Variants in TMEM185A observed in about 807,000 individuals in gnomAD.
TMEM185A encodes transmembrane protein 185A.
A neutral mutation model predicts 25.0 loss-of-function variants in TMEM185A; 9 were observed. The observed-to-expected ratio is 0.36, with a 90% confidence interval of 0.22 to 0.63. The LOEUF (loss-of-function observed/expected upper bound fraction) is 0.63. Ranked by LOEUF, TMEM185A falls within the 20% of genes least tolerant of loss-of-function variation. TMEM185A has a pLI of 0.68. For missense variants in TMEM185A, 103 were observed against 237.4 expected (o/e 0.43, Z 3.72); for synonymous variants, 45 against 93.5 (o/e 0.48, Z 2.99).
At chrX:149,615,580 G>A (rs1446372112) in intron 1 of TMEM185A, among the ~76,000 whole-genome samples, 1 of 111,333 alleles carries the variant, frequency 9.0e-6, no homozygotes, top group Non-Finnish European at 1.9e-5. Context: ...AAAGCTAGTA[G>A]ATCTAGTAAG....
At chrX:149,627,187 T>G (rs1557356134) in intron 1 of TMEM185A, among the ~76,000 whole-genome samples, 1 of 112,637 alleles carries the variant, frequency 8.9e-6, no homozygotes, top group Non-Finnish European at 1.9e-5. Context: ...ACCCAGGCTT[T>G]CTTGGGCAGA....
intron 1 of TMEM185A, among the ~76,000 whole-genome samples, chrX:149,626,176 C>T (rs1557355996): frequency 8.9e-6 from 1 of 111,978 alleles, no homozygotes; most frequent in South Asian, 3.7e-4. Flanking sequence ...TTGGGCCTGG[C>T]ATGTGGTGGG....
intron 1 of TMEM185A, among the ~76,000 whole-genome samples, chrX:149,626,911 C>T (rs1409851908): frequency 8.9e-6 from 1 of 112,429 alleles, no homozygotes; most frequent in Non-Finnish European, 1.9e-5. Flanking sequence ...TGCCAGCATA[C>T]TTCGCCTCCA....
intron 3 of TMEM185A, among the ~76,000 whole-genome samples, chrX:149,607,470 T>C (rs2090058731): frequency 8.9e-6 from 1 of 112,784 alleles, no homozygotes; most frequent in South Asian, 3.6e-4. Flanking sequence ...AAATGACTTA[T>C]CTTCTCTGGA....
chrX:149,623,924 T>C (rs375450902), intron 1 of TMEM185A, among the ~76,000 whole-genome samples: 3 of 112,434 alleles, frequency 2.7e-5, no homozygotes, highest in East Asian at 2.8e-4. Context: ...GGTGACTGCA[T>C]AGCCAAAAGG....
At chrX:149,604,548 C>G (rs1243923025) in intron 3 of TMEM185A, among the ~76,000 whole-genome samples, 1 of 111,355 alleles carries the variant, frequency 9.0e-6, no homozygotes, top group Non-Finnish European at 1.9e-5. Flanking sequence ...ATCTTTAACC[C>G]CACCTATTCC....
At chrX:149,609,574 C>T (rs1432426388) in intron 2 of TMEM185A, among the ~76,000 whole-genome samples, 1 of 112,397 alleles carries the variant, frequency 8.9e-6, no homozygotes, top group African/African-American at 3.2e-5. Context: ...CAGGAAAAGG[C>T]TCTATAATGC....
At chrX:149,603,922 C>T (rs1569560930) in intron 4 of TMEM185A, 65 bp downstream of exon 4, 1 of 960,837 alleles carries the variant, frequency 1.0e-6, no homozygotes, top group Admixed American at 2.5e-5. Flanking sequence ...AAGCTTTGTA[C>T]AGTGAATATG....
intron 3 of TMEM185A, among the ~76,000 whole-genome samples, chrX:149,604,514 C>T (rs1423818222): frequency 9.0e-6 from 1 of 111,680 alleles, no homozygotes; most frequent in Non-Finnish European, 1.9e-5. Context: ...CACATCAAGC[C>T]ATCAACTGTA....
At chrX:149,614,042 G>A (rs78462527) in intron 1 of TMEM185A, among the ~76,000 whole-genome samples, 1 of 112,067 alleles carries the variant, frequency 8.9e-6, no homozygotes, top group Non-Finnish European at 1.9e-5. Context: ...AAATTACTAA[G>A]GATATATATG....
rs1251835228 is a variant in TMEM185A at position 149,596,840 on chromosome X, C to G, written c.*1171G>C. ...TTTTACCCTCTTTTCAGCAAAGGACCTATTTGTTTTCAGGCAGGAGGATGT... is the reference window on the plus strand; with the variant it reads ...TTTTACCCTCTTTTCAGCAAAGGACGTATTTGTTTTCAGGCAGGAGGATGT... On this transcript the variant is annotated 3_prime_UTR_variant, in exon 7 of 7. Transcript: ENST00000600449. The G allele has an allele frequency of 2.6e-5, 3 of 113,666 alleles. No homozygotes were observed. The highest frequency in any genetic ancestry group is 3.7e-5 in the Non-Finnish European group (2 of 53,433). The allele number at this position is 113,666 out of a possible 1,213,427, so 9.4% of individuals were successfully genotyped here.
At chrX:149,621,953 TG>T (rs1293272110) in intron 1 of TMEM185A, among the ~76,000 whole-genome samples, 13 of 112,273 alleles carry the variant, frequency 1.2e-4, no homozygotes, top group African/African-American at 3.9e-4. Context: ...CCCTTTGCCA[TG>T]TAACAGAACA....
intron 4 of TMEM185A, among the ~76,000 whole-genome samples, chrX:149,603,460 C>T (rs1056627886): frequency 2.7e-5 from 3 of 111,456 alleles, no homozygotes; most frequent in Non-Finnish European, 5.6e-5. Context: ...GTTGGCAGTG[C>T]AGTATACGTA....
intron 1 of TMEM185A, among the ~76,000 whole-genome samples, chrX:149,626,729 T>C (rs782340516): frequency 1.1e-3 from 120 of 111,756 alleles, no homozygotes; most frequent in African/African-American, 3.8e-3. Flanking sequence ...GCGAGGGGAG[T>C]GTAGCAGGGC....
chrX:149,628,659 A>G (rs2090175983), intron 1 of TMEM185A, among the ~76,000 whole-genome samples: 1 of 112,020 alleles, frequency 8.9e-6, no homozygotes, highest in East Asian at 2.8e-4. Flanking sequence ...ATCTGGAGCC[A>G]TGACCCATGC....
chrX:149,602,410 GA>G (rs1319063475), intron 4 of TMEM185A, among the ~76,000 whole-genome samples: 1 of 112,358 alleles, frequency 8.9e-6, no homozygotes, highest in East Asian at 2.8e-4. Context: ...GTTGGCATAC[GA>G]ATTTTACTTC....
chrX:149,610,065 C>T (rs2090073806), intron 2 of TMEM185A, among the ~76,000 whole-genome samples: 1 of 111,494 alleles, frequency 9.0e-6, no homozygotes, highest in African/African-American at 3.3e-5. Flanking sequence ...TTTTACAGTT[C>T]TTAGACATGT....
intron 1 of TMEM185A, among the ~76,000 whole-genome samples, chrX:149,613,327 A>T (rs1187893577): frequency 1.8e-5 from 2 of 112,288 alleles, no homozygotes. Flanking sequence ...ATGAGGCAGA[A>T]GTCAGAGAGA....
chrX:149,628,757 C>T (rs782627171), intron 1 of TMEM185A, among the ~76,000 whole-genome samples: 1 of 111,936 alleles, frequency 8.9e-6, no homozygotes, highest in Non-Finnish European at 1.9e-5. Context: ...TGCCTTAGTG[C>T]CATGTTCTCT....
Sources: gnomAD v4.1 joint callset for allele counts (sites outside exome capture counted in the v4.1 genomes callset) on GRCh38, gnomAD v4.1.1 for gene constraint, MANE v1.5 for transcripts, NCBI Gene and HGNC (gene_info 2026-07-23, HGNC 2026-07-21) for gene names.